NCAM1: variants seen among roughly 807,000 people sequenced by gnomAD.
NCAM1 encodes antigen recognized by monoclonal antibody 5.1H11.
NCAM1 carries 14 observed loss-of-function variants against 109.8 expected under a neutral mutation model. The observed-to-expected ratio is 0.13, with a 90% CI of 0.08 to 0.20. NCAM1 has a LOEUF of 0.20. Among genes scored for constraint, NCAM1 ranks in the 10% least tolerant of loss-of-function variants. NCAM1 has a pLI of 1.00. For synonymous variants in NCAM1, 418 were observed against 442.9 expected (o/e 0.94, Z 0.70); for missense variants, 774 against 1,109.9 (o/e 0.70, Z 4.30).
chr11:113,026,394 G>A (rs1217017545), intron 1 of NCAM1, among the ~76,000 whole-genome samples: 4 of 152,108 alleles, frequency 2.6e-5, no homozygotes, highest in Admixed American at 1.3e-4. Context: ...TTGAGGAAAC[G>A]GAATGTCTCT....
At chr11:112,985,988 C>A (rs560256725) in intron 1 of NCAM1, among the ~76,000 whole-genome samples, 25 of 152,004 alleles carry the variant, frequency 1.6e-4, no homozygotes, top group Non-Finnish European at 3.4e-4. Flanking sequence ...TATCTTGTTC[C>A]TGATCTTAGA....
At chr11:113,120,090 A>G (rs1160377263) in intron 1 of NCAM1, among the ~76,000 whole-genome samples, 6 of 152,234 alleles carry the variant, frequency 3.9e-5, no homozygotes, top group African/African-American at 1.4e-4. Flanking sequence ...CAGTTGTCTA[A>G]GAAGAATTAG....
At chr11:113,194,754 AG>A (rs2136775530) in intron 1 of NCAM1, among the ~76,000 whole-genome samples, 1 of 152,308 alleles carries the variant, frequency 6.6e-6, no homozygotes, top group African/African-American at 2.4e-5. Flanking sequence ...AGCTTTCAAG[AG>A]GGGTTTCCTT....
intron 1 of NCAM1, among the ~76,000 whole-genome samples, chr11:113,098,782 A>G (rs1288502683): frequency 6.6e-6 from 1 of 152,192 alleles, no homozygotes; most frequent in Non-Finnish European, 1.5e-5. Flanking sequence ...TTCCAGTTTG[A>G]GCTAGTTTGT....
rs1311150262 is a variant in NCAM1 at position 113,159,537 on chromosome 11, T to C, written c.53-42842T>C. On this transcript the variant is annotated intron_variant, in intron 1 of 19. Coordinates refer to ENST00000316851, the MANE Select transcript of NCAM1 (RefSeq NM_181351.5). ...TAGATATTGTGAAGAAAATGAAGTC[T>C]GTGGTGTAGCCCTTACAGCTGAGAA... 2.6e-5 allele frequency among the ~76,000 whole-genome samples: 4 copies of C among 152,322 alleles called. No individual in the cohort carries two copies. In the Middle Eastern group the frequency reaches 0.01, roughly 389 times the overall value.
chr11:113,240,493 A>G, intron 14 of NCAM1: 1 of 446,528 alleles, frequency 2.2e-6, no homozygotes, highest in Non-Finnish European at 4.0e-6. Flanking sequence ...GTCCTGCTGA[A>G]CTGGATATTT....
Position 113,141,969 on chromosome 11 carries a change from T to C in NCAM1, c.53-60410T>C, listed in dbSNP as rs543448461. The stretch of plus-strand genomic sequence containing the variant: ...GACATCGATCCATTTATCAACCCTC[T>C]TGAGGTACGGTTTTTTAACTAGATG... On this transcript the variant is annotated intron_variant, in intron 1 of 19. Transcript: ENST00000316851. 2.3e-4 allele frequency among the ~76,000 whole-genome samples: 35 copies of C among 152,310 alleles called. No homozygotes were observed. The South Asian group carries it at 4.1e-3, about 18-fold the overall frequency.
chr11:113,156,287 C>G (rs1555103435), intron 1 of NCAM1, among the ~76,000 whole-genome samples: 1 of 152,086 alleles, frequency 6.6e-6, no homozygotes, highest in East Asian at 1.9e-4. Flanking sequence ...ATATTGGGTT[C>G]TGTGTGGGGC....
intron 17 of NCAM1, chr11:113,264,403 C>T: frequency 3.0e-6 from 3 of 985,408 alleles, no homozygotes; most frequent in Non-Finnish European, 3.6e-6. Flanking sequence ...ATCAGAGGCT[C>T]CATGCTGCAC....
intron 1 of NCAM1, chr11:113,133,131 A>C (rs111869808): frequency 0.013 from 2,039 of 152,358 alleles, 26 homozygotes; most frequent in Non-Finnish European, 0.02. Context: ...AGACAAGCTC[A>C]GGAGGGAAGT....
chr11:113,269,694 T>G (rs1565540689), intron 17 of NCAM1: 2 of 190,828 alleles, frequency 1.0e-5, no homozygotes, highest in Non-Finnish European at 2.2e-5. Flanking sequence ...GGGATGCTAT[T>G]GTGATGGACA....
chr11:113,199,621 TG>T (rs572910890), intron 1 of NCAM1, among the ~76,000 whole-genome samples: 39 of 103,944 alleles, frequency 3.8e-4, no homozygotes, highest in African/African-American at 1.5e-3. Flanking sequence ...CATCACGCTC[TG>T]GGGACTGTTG....
At chr11:113,148,030 A>T (rs782107808) in intron 1 of NCAM1, among the ~76,000 whole-genome samples, 1 of 152,246 alleles carries the variant, frequency 6.6e-6, no homozygotes, top group Non-Finnish European at 1.5e-5. Context: ...CATGTCTTAC[A>T]ACAATTAATC....
intron 1 of NCAM1, among the ~76,000 whole-genome samples, chr11:113,112,946 A>C (rs1231387260): frequency 1.3e-5 from 2 of 152,122 alleles, no homozygotes; most frequent in Admixed American, 1.3e-4. Flanking sequence ...AGCCTGGCCA[A>C]CATGGTGAAA....
At chr11:112,979,787 G>A (rs534435284) in intron 1 of NCAM1, among the ~76,000 whole-genome samples, 6 of 151,804 alleles carry the variant, frequency 4.0e-5, no homozygotes, top group South Asian at 4.2e-4. Context: ...TTTGTTTAAC[G>A]GACATAATTT....
intron 1 of NCAM1, among the ~76,000 whole-genome samples, chr11:112,974,382 T>TAGTAAAGAG (rs1189066372): frequency 6.6e-6 from 1 of 151,982 alleles, no homozygotes; most frequent in East Asian, 1.9e-4. Flanking sequence ...GGCTGCCTAT[T>TAGTAAAGAG]AGTAAAGAGT....
intron 8 of NCAM1, among the ~76,000 whole-genome samples, chr11:113,218,302 C>T (rs1360917718): frequency 5.3e-5 from 8 of 152,176 alleles, no homozygotes; most frequent in Admixed American, 2.0e-4. Flanking sequence ...CCTTCTGGCT[C>T]GGTGGCTCAG....
intron 1 of NCAM1, among the ~76,000 whole-genome samples, chr11:113,172,934 T>G (rs1178426080): frequency 6.6e-6 from 1 of 152,240 alleles, no homozygotes; most frequent in Admixed American, 6.5e-5. Flanking sequence ...ATGCAAATGA[T>G]GTCGAATAGT....
At chr11:113,094,580 T>C (rs1249150325) in intron 1 of NCAM1, among the ~76,000 whole-genome samples, 2 of 152,236 alleles carry the variant, frequency 1.3e-5, no homozygotes, top group Admixed American at 6.5e-5. Context: ...AAAAGGCTTA[T>C]TGAGGCCCAT....
Sources: allele counts gnomAD v4.1 joint callset (sites outside exome capture counted in the v4.1 genomes callset), GRCh38; gene constraint gnomAD v4.1.1; transcripts MANE v1.5; gene names NCBI Gene and HGNC (gene_info 2026-07-23, HGNC 2026-07-21).